The following MCF2L2 variants were observed in gnomAD, a reference collection of about 807,000 sequenced individuals.
MCF2L2 encodes MCF.2 cell line derived transforming sequence-like 2, also known as probable guanine nucleotide exchange factor MCF2L2.
In MCF2L2, 102 loss-of-function variants were observed where a neutral mutation model predicts 150.2. The ratio of observed to expected loss-of-function variants is 0.68; its 90% CI spans 0.58 to 0.80. The LOEUF (loss-of-function observed/expected upper bound fraction) is 0.80, where lower values mean the gene tolerates loss of function less well. Ranked by LOEUF, MCF2L2 falls within the 30% of genes least tolerant of loss-of-function variation. The pLI, the probability that MCF2L2 is intolerant of heterozygous loss-of-function variation, is 0.00. For synonymous variants in MCF2L2, 465 were observed against 491.3 expected, an observed-to-expected ratio of 0.95 and a Z score of 0.71; for missense variants, 1,256 against 1,372.8, an observed-to-expected ratio of 0.91 and a Z score of 1.34.
At chr3:183,258,132 T>A (rs1055206629) in intron 15 of MCF2L2, among the ~76,000 whole-genome samples, 1 of 151,906 alleles carries the variant, frequency 6.6e-6, no homozygotes, top group Non-Finnish European at 1.5e-5. Context: ...CACACCCAGC[T>A]AATTTTTGTG....
At chr3:183,229,261 A>G (rs1299047538) in intron 17 of MCF2L2, among the ~76,000 whole-genome samples, 2 of 152,194 alleles carry the variant, frequency 1.3e-5, no homozygotes, top group Non-Finnish European at 2.9e-5. Context: ...AGCAGTCAGC[A>G]TTTTCTAACA....
chr3:183,192,784 G>T, intron 27 of MCF2L2: 1 of 477,038 alleles, frequency 2.1e-6, no homozygotes, highest in Non-Finnish European at 3.7e-6. Flanking sequence ...CTCAATGTGA[G>T]ACATTTGCCC....
chr3:183,288,892 A>G (rs1464100707), intron 14 of MCF2L2, among the ~76,000 whole-genome samples: 2 of 152,234 alleles, frequency 1.3e-5, no homozygotes, highest in Admixed American at 1.3e-4. Flanking sequence ...GTATCTACCA[A>G]TAATCACATA....
chr3:183,406,196 T>C (rs1461288305), intron 1 of MCF2L2, among the ~76,000 whole-genome samples: 1 of 152,210 alleles, frequency 6.6e-6, no homozygotes. Flanking sequence ...CCATTTTACA[T>C]TCCTACCAAC....
chr3:183,339,425 A>G (rs1414250178), intron 4 of MCF2L2, among the ~76,000 whole-genome samples: 1 of 152,140 alleles, frequency 6.6e-6, no homozygotes, highest in Non-Finnish European at 1.5e-5. Context: ...ACGGGTGTAC[A>G]ATTTATTTAA....
chr3:183,266,903 C>T (rs1012369209), intron 15 of MCF2L2, among the ~76,000 whole-genome samples: 4 of 151,954 alleles, frequency 2.6e-5, no homozygotes, highest in Admixed American at 2.6e-4. Flanking sequence ...TCTCCTGCCT[C>T]AGCCTCCCAA....
At chr3:183,193,271 G>T (rs751245719) in intron 26 of MCF2L2, among the ~76,000 whole-genome samples, 175 bp from the exon 27 acceptor site, 1 of 152,122 alleles carries the variant, frequency 6.6e-6, no homozygotes, top group Non-Finnish European at 1.5e-5. Flanking sequence ...TAGGTGATAC[G>T]CAGTAAGGAA....
At chr3:183,223,823 A>T (rs1723247699) in intron 19 of MCF2L2, among the ~76,000 whole-genome samples, 1 of 152,188 alleles carries the variant, frequency 6.6e-6, no homozygotes, top group Non-Finnish European at 1.5e-5. Context: ...CGGTTTGTAG[A>T]CATCATTCCA....
chr3:183,302,061 T>C (rs1728876288), intron 10 of MCF2L2, among the ~76,000 whole-genome samples: 1 of 152,132 alleles, frequency 6.6e-6, no homozygotes, highest in Non-Finnish European at 1.5e-5. Flanking sequence ...CAATAAAACC[T>C]CTGGGCATTG....
intron 3 of MCF2L2, among the ~76,000 whole-genome samples, chr3:183,370,052 T>A (rs555109541): frequency 6.6e-6 from 1 of 152,192 alleles, no homozygotes; most frequent in South Asian, 2.1e-4. Flanking sequence ...TTATAATTGA[T>A]CATGAGAGTG....
chr3:183,341,790 T>A (rs1293090818), intron 3 of MCF2L2, among the ~76,000 whole-genome samples, 160 bp from the exon 4 acceptor site: 1 of 152,168 alleles, frequency 6.6e-6, no homozygotes, highest in Non-Finnish European at 1.5e-5. Context: ...CTAAGCCTGG[T>A]AATCTTAACA....
intron 15 of MCF2L2, among the ~76,000 whole-genome samples, chr3:183,234,687 C>A (rs76398763): frequency 1.2e-5 from 1 of 84,248 alleles, no homozygotes; most frequent in African/African-American, 5.2e-5. Flanking sequence ...ATGTATGACT[C>A]TTTTTTTTTT....
intron 26 of MCF2L2, among the ~76,000 whole-genome samples, chr3:183,193,944 C>A (rs542344738): frequency 6.6e-6 from 1 of 152,274 alleles, no homozygotes; most frequent in East Asian, 1.9e-4. Flanking sequence ...TGAGCACCTA[C>A]AAAAGTGCCT....
At chr3:183,200,601 T>C (rs1428763186) in intron 25 of MCF2L2, among the ~76,000 whole-genome samples, 5 of 152,234 alleles carry the variant, frequency 3.3e-5, no homozygotes, top group Non-Finnish European at 5.9e-5. Flanking sequence ...GTAGTTTCTT[T>C]TGCTGCGCAG....
intron 7 of MCF2L2, 106 bp downstream of exon 7, chr3:183,317,962 A>G: frequency 7.3e-7 from 1 of 1,377,068 alleles, no homozygotes; most frequent in Admixed American, 2.3e-5. Context: ...ACTAAAGAAG[A>G]AGGAAAACGA....
chr3:183,191,965 C>T (rs1177444724), intron 27 of MCF2L2, among the ~76,000 whole-genome samples: 4 of 150,200 alleles, frequency 2.7e-5, no homozygotes, highest in African/African-American at 9.8e-5. Flanking sequence ...CTCAGCCTCC[C>T]GAGTAGCTGG....
intron 7 of MCF2L2, among the ~76,000 whole-genome samples, chr3:183,312,143 G>A (rs1222916845): frequency 1.3e-5 from 2 of 152,204 alleles, no homozygotes; most frequent in African/African-American, 4.8e-5. Flanking sequence ...TTGAACGCTA[G>A]AAACTACTGA....
intron 3 of MCF2L2, among the ~76,000 whole-genome samples, chr3:183,348,111 T>C (rs1037716417): frequency 1.3e-5 from 2 of 152,178 alleles, no homozygotes; most frequent in African/African-American, 2.4e-5. Flanking sequence ...AGTATGTTTA[T>C]TGCAGCACTG....
At chr3:183,271,004 TC>T in intron 15 of MCF2L2, 2 of 1,402,574 alleles carry the variant, frequency 1.4e-6, no homozygotes, top group Admixed American at 4.8e-5. Flanking sequence ...CTTTAAATGT[TC>T]GTCTATACCC....
Sources: gnomAD v4.1 joint callset for allele counts (sites outside exome capture counted in the v4.1 genomes callset) on GRCh38, gnomAD v4.1.1 for gene constraint, MANE v1.5 for transcripts, NCBI Gene and HGNC (gene_info 2026-07-23, HGNC 2026-07-21) for gene names.